CCDC3: variants seen among roughly 807,000 people sequenced by gnomAD.
CCDC3 encodes coiled-coil domain containing 3, also known as coiled-coil domain-containing protein 3.
Under a neutral mutation model 21.4 loss-of-function variants are expected in CCDC3, and 24 were observed. The ratio of observed to expected loss-of-function variants is 1.12; its 90% CI spans 0.81 to 1.58. The LOEUF is 1.58. Ranked by LOEUF, CCDC3 falls within the 40% of genes most tolerant of loss-of-function variation. The pLI, the probability that CCDC3 is intolerant of heterozygous loss-of-function variation, is 0.00. For synonymous variants in CCDC3, 186 were observed against 166.0 expected (o/e 1.12, Z -0.93); for missense variants, 425 against 360.9 (o/e 1.18, Z -1.44).
At chr10:12,935,389 T>C (rs1170606967) in intron 2 of CCDC3, among the ~76,000 whole-genome samples, 2 of 152,180 alleles carry the variant, frequency 1.3e-5, no homozygotes, top group African/African-American at 4.8e-5. Flanking sequence ...AGGCCTTGTT[T>C]TTTGATCCAT....
chr10:13,047,193 T>TA (rs5783302), intron 5 of CCDC3, among the ~76,000 whole-genome samples: 38,365 of 152,058 alleles, frequency 0.25, 5,329 homozygotes, highest in East Asian at 0.48. Flanking sequence ...ACCCAGAATT[T>TA]AAAAAGAACA....
At chr10:13,014,935 T>C (rs1836033943) in intron 5 of CCDC3, among the ~76,000 whole-genome samples, 1 of 152,156 alleles carries the variant, frequency 6.6e-6, no homozygotes, top group Admixed American at 6.5e-5. Context: ...AAATCTTCGT[T>C]CATAAGAACT....
chr10:13,098,997 G>T (rs541441737), intron 2 of CCDC3: 4 of 152,498 alleles, frequency 2.6e-5, no homozygotes, highest in African/African-American at 9.6e-5. Flanking sequence ...TTACAGGCGT[G>T]AGCCACCGCG....
upstream of CCDC3, among the ~76,000 whole-genome samples, chr10:13,003,775 T>C (rs1033870809): frequency 1.4e-4 from 21 of 152,202 alleles, no homozygotes; most frequent in Admixed American, 1.2e-3. Context: ...AGCAAATAAA[T>C]AAAAATCAGC....
intron 2 of CCDC3, among the ~76,000 whole-genome samples, chr10:12,989,945 A>T (rs191285924): frequency 1.3e-5 from 2 of 152,056 alleles, no homozygotes; most frequent in Admixed American, 1.3e-4. Flanking sequence ...AAAAAATGCC[A>T]GTTTAATTTA....
intron 5 of CCDC3, among the ~76,000 whole-genome samples, chr10:13,047,414 A>G (rs1472764498): frequency 2.0e-5 from 3 of 152,124 alleles, no homozygotes; most frequent in Admixed American, 6.5e-5. Context: ...GCCCTTTGAA[A>G]TGTTAGGGAT....
chr10:13,010,600 A>T lies in CCDC3; in HGVS notation c.-1-12088T>A, dbSNP rs1690149106. Reference sequence around the variant, plus strand: ...GTTAAACATATGATTAAGCCATTCCACTCCTAGGGATATACTAGAGAAAAT... The same window carrying T: ...GTTAAACATATGATTAAGCCATTCCTCTCCTAGGGATATACTAGAGAAAAT... On this transcript the variant is annotated intron_variant, in intron 5 of 6. Transcript: ENST00000378839. 2.0e-5 allele frequency among the ~76,000 whole-genome samples: 3 copies of T among 152,144 alleles called. No homozygotes were observed. The South Asian group carries it at 6.2e-4, about 32-fold the overall frequency.
At chr10:12,977,049 A>G (rs1466455701) in intron 2 of CCDC3, among the ~76,000 whole-genome samples, 2 of 152,132 alleles carry the variant, frequency 1.3e-5, no homozygotes, top group Admixed American at 1.3e-4. Flanking sequence ...CAAGGTGGGC[A>G]GATCACTTGA....
Position 13,059,802 on chromosome 10 carries a change from T to A in CCDC3, c.-269-9861A>T, listed in dbSNP as rs970948774. Among the ~76,000 whole-genome samples, 3 of 152,034 alleles carry A rather than the reference T, an allele frequency of 2.0e-5. No homozygotes were observed. The South Asian group carries it at 6.2e-4, about 32-fold the overall frequency. The stretch of plus-strand genomic sequence containing the variant: ...AAAATCCCAACCTTTAAAAAAACAT[T>A]GTTTTGGCCGGGCGCGGTGGCTCAC... On this transcript the variant is annotated intron_variant, in intron 4 of 6. Transcript: ENST00000378839.
At chr10:13,022,004 C>T (rs1288688021) in intron 5 of CCDC3, among the ~76,000 whole-genome samples, 1 of 152,126 alleles carries the variant, frequency 6.6e-6, no homozygotes, top group Non-Finnish European at 1.5e-5. Flanking sequence ...AGGTGATCTG[C>T]CTGCCTTGGC....
intron 2 of CCDC3, among the ~76,000 whole-genome samples, chr10:12,943,178 T>G (rs1834860704): frequency 6.6e-6 from 1 of 152,184 alleles, no homozygotes; most frequent in Non-Finnish European, 1.5e-5. Context: ...CTTCCAAGTT[T>G]ATGTGTTCTA....
intron 4 of CCDC3, among the ~76,000 whole-genome samples, chr10:13,050,135 T>C (rs540533840): frequency 5.9e-5 from 9 of 152,238 alleles, no homozygotes; most frequent in African/African-American, 1.4e-4. Context: ...GGTATTAACC[T>C]GGGTGTGAGG....
intron 2 of CCDC3, among the ~76,000 whole-genome samples, chr10:12,935,016 G>GTCCTCCTGAGTA (rs1834714019): frequency 1.3e-5 from 2 of 151,666 alleles, no homozygotes. Context: ...GGCTCAAGCA[G>GTCCTCCTGAGTA]TCCTCCTGAG....
chr10:13,038,374 C>CAAAAAAAAAAAAAA (rs58667035), intron 5 of CCDC3, among the ~76,000 whole-genome samples: 1 of 98,844 alleles, frequency 1.0e-5, no homozygotes, highest in African/African-American at 4.0e-5. Flanking sequence ...AGTTGGAAAG[C>CAAAAAAAAAAAAAA]AAAAAAAAAA....
intron 5 of CCDC3, among the ~76,000 whole-genome samples, chr10:13,029,605 C>T (rs888380823): frequency 3.3e-5 from 5 of 152,010 alleles, no homozygotes; most frequent in African/African-American, 4.8e-5. Context: ...AAAGATTAGA[C>T]GAATGGTTAA....
rs1367586527 is a variant in CCDC3, at chr10:13,030,992, G to A, written c.-2+18682C>T. Among the ~76,000 whole-genome samples, 3 of 152,176 alleles carry A rather than the reference G, an allele frequency of 2.0e-5. No individual in the cohort carries two copies. The East Asian group carries it at 5.8e-4, about 29-fold the overall frequency. On this transcript the variant is annotated intron_variant, in intron 5 of 6. Coordinates refer to the CCDC3 transcript ENST00000378839. ...ATTGAACACAGCTCTGCACCAAGCA[G>A]ACCTAATAGACATCTACAGAACTCT... is the stretch of plus-strand genomic sequence containing the variant.
At chr10:13,075,596 C>G (rs900555476) in intron 3 of CCDC3, among the ~76,000 whole-genome samples, 2 of 151,944 alleles carry the variant, frequency 1.3e-5, no homozygotes, top group African/African-American at 4.8e-5. Flanking sequence ...AGGAAAAAAC[C>G]CTTGTGGGGA....
At chr10:12,909,345 G>T (rs567018515) in intron 2 of CCDC3, among the ~76,000 whole-genome samples, 4 of 152,270 alleles carry the variant, frequency 2.6e-5, no homozygotes, top group Non-Finnish European at 4.4e-5. Context: ...GGGGAGGAAG[G>T]GCAAAAGGAC....
intron 2 of CCDC3, among the ~76,000 whole-genome samples, chr10:12,982,605 C>T (rs1159137753): frequency 6.6e-6 from 1 of 151,382 alleles, no homozygotes; most frequent in Non-Finnish European, 1.5e-5. Flanking sequence ...ACCAGCCTGA[C>T]CAACATGGTG....
Sources: gnomAD v4.1 joint callset for allele counts (sites outside exome capture counted in the v4.1 genomes callset) on GRCh38, gnomAD v4.1.1 for gene constraint, MANE v1.5 for transcripts, NCBI Gene and HGNC (gene_info 2026-07-23, HGNC 2026-07-21) for gene names.